Variants in FAM227B observed in about 807,000 individuals in gnomAD.
FAM227B encodes protein FAM227B.
A neutral mutation model predicts 73.8 loss-of-function variants in FAM227B; 88 were observed. That is an observed-to-expected ratio of 1.19 (90% CI 1.00 to 1.42). The LOEUF is 1.42. Among genes scored for constraint, FAM227B ranks in the 40% most tolerant of loss-of-function variants. The pLI, the probability that FAM227B is intolerant of heterozygous loss-of-function variation, is 0.00. For synonymous variants in FAM227B, 210 were observed against 190.5 expected (o/e 1.10, Z -0.84); for missense variants, 632 against 590.9 (o/e 1.07, Z -0.72).
intron 10 of FAM227B, among the ~76,000 whole-genome samples, chr15:49,508,929 C>T (rs1371595657): frequency 1.3e-5 from 2 of 152,244 alleles, no homozygotes; most frequent in East Asian, 3.9e-4. Flanking sequence ...ACTCACAGTT[C>T]CCAAGAGTAG....
chr15:49,403,635 G>C (rs990600431), intron 11 of FAM227B, among the ~76,000 whole-genome samples: 4 of 151,564 alleles, frequency 2.6e-5, no homozygotes, highest in African/African-American at 9.7e-5. Context: ...GATTGTGTTT[G>C]TTTGGATCTT....
At chr15:49,344,558 T>G (rs1478569769) in intron 13 of FAM227B, among the ~76,000 whole-genome samples, 1 of 152,204 alleles carries the variant, frequency 6.6e-6, no homozygotes, top group Non-Finnish European at 1.5e-5. Context: ...GAGGGAGGAC[T>G]GTAACTCTTT....
intron 11 of FAM227B, among the ~76,000 whole-genome samples, chr15:49,415,147 C>T (rs1045459961): frequency 6.6e-6 from 1 of 152,156 alleles, no homozygotes. Context: ...GCTACTAACA[C>T]ATTGATATCC....
intron 10 of FAM227B, among the ~76,000 whole-genome samples, chr15:49,518,972 T>C (rs1190226575): frequency 6.6e-6 from 1 of 152,200 alleles, no homozygotes; most frequent in East Asian, 1.9e-4. Flanking sequence ...AAAAGCAACT[T>C]AATTACTTCC....
chr15:49,463,064 T>A (rs950696398), intron 11 of FAM227B, among the ~76,000 whole-genome samples: 1 of 152,206 alleles, frequency 6.6e-6, no homozygotes, highest in South Asian at 2.1e-4. Flanking sequence ...TATGGAAATA[T>A]AACCTGTTTG....
intron 10 of FAM227B, among the ~76,000 whole-genome samples, chr15:49,526,957 G>A (rs1356187503): frequency 1.3e-5 from 2 of 151,816 alleles, no homozygotes; most frequent in East Asian, 1.9e-4. Flanking sequence ...GTTACCAGAT[G>A]TTCAAAGAAG....
chr15:49,417,249 C>T (rs1187699925), intron 11 of FAM227B, among the ~76,000 whole-genome samples: 1 of 151,982 alleles, frequency 6.6e-6, no homozygotes, highest in Non-Finnish European at 1.5e-5. Context: ...AAAAAATAGC[C>T]TGGTATGGTG....
At chr15:49,382,720 A>G (rs2046622386) in intron 11 of FAM227B, among the ~76,000 whole-genome samples, 1 of 152,124 alleles carries the variant, frequency 6.6e-6, no homozygotes, top group Non-Finnish European at 1.5e-5. Context: ...ATGAGATAAA[A>G]AAGAACAATC....
intron 11 of FAM227B, among the ~76,000 whole-genome samples, chr15:49,500,697 G>A (rs1025208109): frequency 6.6e-6 from 1 of 152,154 alleles, no homozygotes; most frequent in African/African-American, 2.4e-5. Context: ...TTATACATAC[G>A]TGATATAGTT....
chr15:49,365,749 C>T lies in FAM227B; in HGVS notation c.1271+1699G>A, dbSNP rs1596585566. ...CAAGATATCTTGTAAAATCCAAGCC[C>T]ACCTGTCTTCATTTTGAAACACAGC... On this transcript the variant is annotated intron_variant, in intron 13 of 15. Transcript: ENST00000299338. 3 of 862,528 alleles carry T rather than the reference C, an allele frequency of 3.5e-6. No individual in the cohort carries two copies. In the East Asian group the frequency reaches 7.3e-5, roughly 21 times the overall value. The allele number at this position is 862,528 out of a possible 1,614,324, so 53.4% of individuals were successfully genotyped here.
chr15:49,510,751 T>C (rs1567444280), intron 10 of FAM227B, among the ~76,000 whole-genome samples: 1 of 152,136 alleles, frequency 6.6e-6, no homozygotes, highest in Non-Finnish European at 1.5e-5. Context: ...TTTTCTCCAA[T>C]AACTTGATGA....
chr15:49,498,824 A>G lies in FAM227B; in HGVS notation c.1012+9387T>C, dbSNP rs182366684. Among the ~76,000 whole-genome samples the G allele has an allele frequency of 2.1e-3, 317 of 152,320 alleles. 3 individuals are homozygous for G. The highest frequency in any genetic ancestry group is 0.017 in the Middle Eastern group (5 of 294). On this transcript the variant is annotated intron_variant, in intron 11 of 15. Coordinates refer to ENST00000299338, the MANE Select transcript of FAM227B (RefSeq NM_152647.3). ...AAAAAGAGCAAGGGTTGCTATTCTT[A>G]TATCAGACAAAACAGACTTTAAAAC...
chr15:49,512,907 C>T (rs2059115175), intron 10 of FAM227B, among the ~76,000 whole-genome samples: 1 of 152,126 alleles, frequency 6.6e-6, no homozygotes, highest in Non-Finnish European at 1.5e-5. Flanking sequence ...TAGCTTCATC[C>T]ATGTCCCTGC....
intron 13 of FAM227B, among the ~76,000 whole-genome samples, chr15:49,356,001 G>A (rs1389687239): frequency 6.6e-6 from 1 of 151,524 alleles, no homozygotes; most frequent in Non-Finnish European, 1.5e-5. Flanking sequence ...AGCTTCATAA[G>A]TGAAGGAGAA....
chr15:49,349,244 C>T (rs1019844177), intron 13 of FAM227B, among the ~76,000 whole-genome samples: 3 of 152,080 alleles, frequency 2.0e-5, no homozygotes, highest in African/African-American at 7.2e-5. Context: ...ACTTACAATA[C>T]TCATACTCAT....
chr15:49,513,415 GTCTC>G (rs1179051459), intron 10 of FAM227B, among the ~76,000 whole-genome samples: 1 of 152,156 alleles, frequency 6.6e-6, no homozygotes, highest in African/African-American at 2.4e-5. Context: ...TTTGAGAAGT[GTCTC>G]TTCATATCCT....
intron 11 of FAM227B, among the ~76,000 whole-genome samples, chr15:49,406,430 G>C (rs12915450): frequency 6.6e-6 from 1 of 152,102 alleles, no homozygotes; most frequent in African/African-American, 2.4e-5. Flanking sequence ...GTGTTGGCAC[G>C]GTGTTGGGGC....
chr15:49,550,539 G>A (rs1409613601), intron 9 of FAM227B, among the ~76,000 whole-genome samples: 1 of 151,514 alleles, frequency 6.6e-6, no homozygotes, highest in African/African-American at 2.4e-5. Context: ...GCGGCTGCCA[G>A]GCGGAGGGTC....
At chr15:49,609,774 A>G (rs918188406) in intron 3 of FAM227B, among the ~76,000 whole-genome samples, 2 of 152,006 alleles carry the variant, frequency 1.3e-5, no homozygotes, top group African/African-American at 4.8e-5. Flanking sequence ...GGCAATGTAT[A>G]AACATAGTCA....
Sources: allele counts gnomAD v4.1 joint callset (sites outside exome capture counted in the v4.1 genomes callset), GRCh38; gene constraint gnomAD v4.1.1; transcripts MANE v1.5; gene names NCBI Gene and HGNC (gene_info 2026-07-23, HGNC 2026-07-21).